Variants in MCF2L observed in about 807,000 individuals in gnomAD.
The protein encoded by MCF2L is guanine nucleotide exchange factor DBS.
A neutral mutation model predicts 153.4 loss-of-function variants in MCF2L; 97 were observed. That is an observed-to-expected ratio of 0.63 (90% confidence interval 0.54 to 0.75). The LOEUF (loss-of-function observed/expected upper bound fraction) is 0.75, where lower values mean the gene tolerates loss of function less well. Among genes scored for constraint, MCF2L ranks in the 30% least tolerant of loss-of-function variants. The pLI, the probability that MCF2L is intolerant of heterozygous loss-of-function variation, is 0.00. For missense variants in MCF2L, 1,347 were observed against 1,495.2 expected (o/e 0.90, Z 1.64); for synonymous variants, 659 against 632.2 (o/e 1.04, Z -0.64).
At position 113,098,778 on chromosome 13, in the gene MCF2L, G is replaced by C. The variant is rs2035815632; in HGVS notation, c.*1919G>C. 1 of 152,268 alleles carries C rather than the reference G, an allele frequency of 6.6e-6. No homozygotes were observed. The highest frequency in any genetic ancestry group is 2.4e-5 in the African/African-American group (1 of 41,466). The allele number at this position is 152,268 out of a possible 1,614,324, so 9.4% of individuals were successfully genotyped here. On this transcript the variant is annotated 3_prime_UTR_variant, in exon 30 of 30. Transcript: ENST00000535094. Reference sequence around the variant, plus strand: ...TGTGCGTGTCAGAAACGCAAAGGCAGCAGAGGAAGCGTAGTGGAACCATTA... The same window carrying C: ...TGTGCGTGTCAGAAACGCAAAGGCACCAGAGGAAGCGTAGTGGAACCATTA...
At chr13:113,094,956 G>A in intron 27 of MCF2L, 1 of 1,387,602 alleles carries the variant, frequency 7.2e-7, no homozygotes, top group South Asian at 1.2e-5. Flanking sequence ...TGTGTTTCTG[G>A]GTTAATTTCC....
At chr13:112,931,533 C>T (rs895258345) in intron 2 of MCF2L, among the ~76,000 whole-genome samples, 9 of 152,054 alleles carry the variant, frequency 5.9e-5, no homozygotes, top group Non-Finnish European at 8.8e-5. Flanking sequence ...ATACAGGTGG[C>T]GACATACAGA....
At chr13:112,939,977 A>AG (rs1472619981) in intron 2 of MCF2L, among the ~76,000 whole-genome samples, 2 of 151,816 alleles carry the variant, frequency 1.3e-5, no homozygotes, top group East Asian at 3.9e-4. Flanking sequence ...TCAAAAAAAA[A>AG]AAAAAGTTCT....
chr13:113,066,878 A>C lies in MCF2L; in HGVS notation c.881+708A>C, dbSNP rs535521272. Among the ~76,000 whole-genome samples, 3 of 152,320 alleles carry C rather than the reference A, an allele frequency of 2.0e-5. No individual in the cohort carries two copies. The East Asian group carries it at 5.8e-4, about 29-fold the overall frequency. Reference sequence around the variant, plus strand: ...GCGGGGCGCACCCAGGCCTGGACCAAGCTGGTCCTTTTGACTCTCAGCTGC... The same window carrying C: ...GCGGGGCGCACCCAGGCCTGGACCACGCTGGTCCTTTTGACTCTCAGCTGC... On this transcript the variant is annotated intron_variant, in intron 8 of 29. Transcript: ENST00000535094.
At chr13:112,952,974 T>C (rs1026810520) in intron 2 of MCF2L, among the ~76,000 whole-genome samples, 1 of 152,152 alleles carries the variant, frequency 6.6e-6, no homozygotes, top group Non-Finnish European at 1.5e-5. Flanking sequence ...GAATGGACTG[T>C]TTACACGGGG....
intron 5 of MCF2L, among the ~76,000 whole-genome samples, chr13:113,061,886 C>T (rs1348691529): frequency 3.8e-5 from 3 of 78,998 alleles, no homozygotes; most frequent in African/African-American, 1.1e-4. Context: ...CCTCCTCCTC[C>T]CCTTCCTCCT....
chr13:112,935,343 C>T (rs900347615), intron 2 of MCF2L, among the ~76,000 whole-genome samples: 5 of 152,144 alleles, frequency 3.3e-5, no homozygotes, highest in South Asian at 2.1e-4. Flanking sequence ...CTGCAGCCTC[C>T]GCCTCCCGGG....
chr13:113,033,503 G>A (rs74378923), intron 3 of MCF2L, among the ~76,000 whole-genome samples: 11,402 of 151,946 alleles, frequency 0.075, 507 homozygotes, highest in East Asian at 0.18. Context: ...GGGCCTGTTC[G>A]CGGGCATTTC....
chr13:113,047,995 C>T (rs1051094083), intron 4 of MCF2L, among the ~76,000 whole-genome samples: 5 of 152,066 alleles, frequency 3.3e-5, no homozygotes, highest in Non-Finnish European at 5.9e-5. Context: ...CAGTCACTCC[C>T]GGGTTAGATG....
At chr13:113,049,720 C>T (rs928059115) in intron 4 of MCF2L, among the ~76,000 whole-genome samples, 1 of 152,070 alleles carries the variant, frequency 6.6e-6, no homozygotes, top group Non-Finnish European at 1.5e-5. Flanking sequence ...AAAGCAAGCC[C>T]GTGGCAGAGA....
At chr13:112,968,235 A>C (rs1205861266), upstream of MCF2L, among the ~76,000 whole-genome samples, 1 of 150,464 alleles carries the variant, frequency 6.6e-6, no homozygotes, top group Non-Finnish European at 1.5e-5. Context: ...CGGCCTCCGG[A>C]GTAGCTGGGA....
chr13:112,978,040 T>C (rs1481498834), intron 1 of MCF2L, among the ~76,000 whole-genome samples: 1 of 152,172 alleles, frequency 6.6e-6, no homozygotes, highest in Non-Finnish European at 1.5e-5. Context: ...TGCCACTGCA[T>C]TCCAATCTGG....
chr13:112,929,799 G>A (rs1328258308), intron 2 of MCF2L, among the ~76,000 whole-genome samples: 32 of 152,236 alleles, frequency 2.1e-4, no homozygotes, highest in Admixed American at 2.1e-3. Flanking sequence ...GGCTCGGGAA[G>A]TGACTTGGGA....
intron 21 of MCF2L, among the ~76,000 whole-genome samples, chr13:113,086,909 GGCCGTTCCCCTT>G (rs1464012204): frequency 9.2e-5 from 14 of 152,146 alleles, no homozygotes; most frequent in African/African-American, 3.4e-4. Context: ...AGTGACTGAG[GGCCGTTCCCCTT>G]GGAGCTCACT....
intron 2 of MCF2L, chr13:112,917,365 C>G (rs374561224): frequency 2.8e-6 from 1 of 352,228 alleles, no homozygotes; most frequent in Non-Finnish European, 5.6e-6. Flanking sequence ...CACTCATGCC[C>G]GTATCCGACC....
rs374056106 is a variant in MCF2L, at chr13:112,957,105, T to A, written c.169+54734T>A. 5.9e-5 allele frequency: 9 copies of A among 152,170 alleles called. No homozygotes were observed. In the South Asian group the frequency reaches 1.5e-3, roughly 25 times the overall value. The allele number at this position is 152,170 out of a possible 1,614,324, so 9.4% of individuals were successfully genotyped here. Reference sequence around the variant, plus strand: ...ACAGGCCGCCCCCGAGAGCAAAGGATAATGGTGCATTATCTGTTGACGTGA... The same window carrying A: ...ACAGGCCGCCCCCGAGAGCAAAGGAAAATGGTGCATTATCTGTTGACGTGA... On this transcript the variant is annotated intron_variant, in intron 2 of 29. Transcript: ENST00000375608.
rs1392130820 is a variant in MCF2L at position 113,045,456 on chromosome 13, T to C, written c.369+95T>C. The C allele has an allele frequency of 1.8e-6, 2 of 1,133,168 alleles. No homozygotes were observed. The highest frequency in any genetic ancestry group is 2.6e-6 in the Non-Finnish European group (2 of 761,704). The allele number at this position is 1,133,168 out of a possible 1,614,324, so 70.2% of individuals were successfully genotyped here. A position where few individuals can be genotyped will look rare whatever the true frequency, so the allele number is the denominator to read the frequency against. On this transcript the variant is annotated intron_variant, in intron 4 of 29. Coordinates refer to ENST00000535094, the MANE Select transcript of MCF2L (RefSeq NM_001112732.3). This position sits in a 1 kb window ranked among gnomAD's most constrained non-coding sequence, Gnocchi z 4.2. ...CCTCTGTGTCTGCCGCAGTTCCTGC[T>C]TTGTGCTGAGTGGGACAGAGCCCAG...
intron 1 of MCF2L, chr13:113,009,228 G>A (rs2083921563): frequency 6.6e-6 from 1 of 152,254 alleles, no homozygotes; most frequent in Non-Finnish European, 1.5e-5. Context: ...TAGGAGCGGG[G>A]TTTCCCTGAT....
At chr13:112,950,232 A>G (rs1392681175) in intron 2 of MCF2L, among the ~76,000 whole-genome samples, 2 of 152,224 alleles carry the variant, frequency 1.3e-5, no homozygotes, top group African/African-American at 2.4e-5. Context: ...TGCTGATGAG[A>G]GAAATCAAGG....
Sources: gnomAD v4.1 joint callset for allele counts (sites outside exome capture counted in the v4.1 genomes callset) on GRCh38, gnomAD v4.1.1 for gene constraint, Gnocchi (gnomAD v3.1) non-coding constraint, MANE v1.5 for transcripts, NCBI Gene and HGNC (gene_info 2026-07-23, HGNC 2026-07-21) for gene names.